The following MPZL3 variants were observed in gnomAD, a reference collection of about 807,000 sequenced individuals.
The protein encoded by MPZL3 is myelin protein zero like 3.
MPZL3 carries 23 observed loss-of-function variants against 24.8 expected under a neutral mutation model. That is an observed-to-expected ratio of 0.93 (90% CI 0.67 to 1.31). The LOEUF is 1.31. Ranked by LOEUF, MPZL3 falls within the 40% of genes most tolerant of loss-of-function variation. The probability of loss-of-function intolerance (pLI) is 0.00; values close to 1 mark genes in which losing one functional copy is unlikely to be tolerated. For synonymous variants in MPZL3, 99 were observed against 106.5 expected, an observed-to-expected ratio of 0.93 and a Z score of 0.44; for missense variants, 277 against 294.9, an observed-to-expected ratio of 0.94 and a Z score of 0.44.
chr11:118,241,120 A>G (rs1384718476), intron 1 of MPZL3, among the ~76,000 whole-genome samples: 3 of 152,198 alleles, frequency 2.0e-5, no homozygotes, highest in African/African-American at 7.2e-5. Context: ...TCCAACTCTG[A>G]CACTTCATCT....
In MPZL3 at chr11:118,229,890, T is replaced by A. The variant is rs1402608059; in HGVS notation, c.*4A>T. ...TGACTCTTCTTGTGTCATACAGACT[T>A]TCATCAATATGTCTCTTCATAGTCT... is the stretch of plus-strand genomic sequence containing the variant. On this transcript the variant is annotated 3_prime_UTR_variant, in exon 6 of 6. Coordinates refer to ENST00000278949, the MANE Select transcript of MPZL3 (RefSeq NM_198275.3). The A allele has an allele frequency of 5.0e-6, 8 of 1,613,406 alleles. No homozygotes were observed. Among genetic ancestry groups the A allele is most frequent in the Non-Finnish European group, 5.9e-6 (7 of 1,179,686 alleles).
intron 1 of MPZL3, among the ~76,000 whole-genome samples, 166 bp downstream of exon 1, chr11:118,252,056 C>T (rs758643973): frequency 2.0e-5 from 3 of 152,204 alleles, no homozygotes; most frequent in Non-Finnish European, 4.4e-5. Flanking sequence ...ACCAACTATC[C>T]TCAACGGGGT....
intron 5 of MPZL3, among the ~76,000 whole-genome samples, chr11:118,232,457 T>C (rs1379695422): frequency 6.6e-6 from 1 of 152,098 alleles, no homozygotes; most frequent in Non-Finnish European, 1.5e-5. Flanking sequence ...GAGAAAGTTT[T>C]CCAGGCAAAG....
chr11:118,233,822 C>T (rs1048635698), intron 4 of MPZL3, among the ~76,000 whole-genome samples: 39 of 152,040 alleles, frequency 2.6e-4, no homozygotes, highest in Non-Finnish European at 1.2e-4. Flanking sequence ...GACAAAACCC[C>T]GTCTCTACTG....
At chr11:118,232,978 G>A (rs1949372798) in intron 5 of MPZL3, among the ~76,000 whole-genome samples, 1 of 152,146 alleles carries the variant, frequency 6.6e-6, no homozygotes, top group African/African-American at 2.4e-5. Flanking sequence ...AAGCAGGAGG[G>A]ATGACAGCCT....
At position 118,244,803 on chromosome 11, in the gene MPZL3, G is replaced by A. The variant is rs191989650; in HGVS notation, c.74-4426C>T. Among the ~76,000 whole-genome samples the A allele has an allele frequency of 6.4e-4, 97 of 152,318 alleles. No homozygotes were observed. The Middle Eastern group carries it at 0.02, about 32-fold the overall frequency. On this transcript the variant is annotated intron_variant, in intron 1 of 5. Coordinates refer to ENST00000278949, the MANE Select transcript of MPZL3 (RefSeq NM_198275.3). ...CTTAAAAGATCACTTTAGGCTGGGC[G>A]CGGTGGCTCACGCCTGTAATCCCAG...
chr11:118,238,119 G>A (rs1281753122), intron 2 of MPZL3, among the ~76,000 whole-genome samples: 3 of 149,440 alleles, frequency 2.0e-5, no homozygotes, highest in Admixed American at 6.7e-5. Context: ...CCTCGGCAAC[G>A]GAGCTAGACT....
At chr11:118,243,662 C>T (rs1949524952) in intron 1 of MPZL3, among the ~76,000 whole-genome samples, 1 of 151,956 alleles carries the variant, frequency 6.6e-6, no homozygotes, top group Non-Finnish European at 1.5e-5. Context: ...GTCCCAGCTA[C>T]TCAGGAGGCT....
intron 4 of MPZL3, among the ~76,000 whole-genome samples, chr11:118,234,655 GTTCT>G (rs1423203953): frequency 1.3e-5 from 2 of 151,986 alleles, no homozygotes; most frequent in Non-Finnish European, 2.9e-5. Flanking sequence ...TTTACCAAGA[GTTCT>G]TTGTCTTTTT....
intron 1 of MPZL3, among the ~76,000 whole-genome samples, chr11:118,240,779 A>ACT (rs1288252225): frequency 8.3e-5 from 10 of 120,766 alleles, no homozygotes; most frequent in African/African-American, 2.7e-4. Context: ...ACACACACAC[A>ACT]CACACTCTGG....
Position 118,227,245 on chromosome 11 carries a change from TC to T in MPZL3, c.*2648del, listed in dbSNP as rs1207553846. On this transcript the variant is annotated 3_prime_UTR_variant, in exon 6 of 6. Coordinates refer to ENST00000278949, the MANE Select transcript of MPZL3 (RefSeq NM_198275.3). ...AAAACTTCAGCAGCTAAAGAAAAAT[TC>T]TGGAAGGCTTTTAACCCCTTCTGAA... 14 of 152,218 alleles carry T rather than the reference TC, an allele frequency of 9.2e-5. No homozygotes were observed. The highest frequency in any genetic ancestry group is 3.4e-4 in the African/African-American group (14 of 41,454). 9.4% of individuals were successfully genotyped at this position (152,218 alleles called of 1,614,324 possible).
chr11:118,250,551 T>C (rs1949608029), intron 1 of MPZL3, among the ~76,000 whole-genome samples: 1 of 151,764 alleles, frequency 6.6e-6, no homozygotes, highest in African/African-American at 2.4e-5. Flanking sequence ...GTGAATAATA[T>C]GATAAACCAG....
intron 2 of MPZL3, among the ~76,000 whole-genome samples, chr11:118,238,282 C>A (rs1949450833): frequency 6.6e-6 from 1 of 152,152 alleles, no homozygotes; most frequent in Non-Finnish European, 1.5e-5. Flanking sequence ...TATAATTCAG[C>A]CTCTCTCAAG....
intron 5 of MPZL3, among the ~76,000 whole-genome samples, chr11:118,232,154 A>G (rs77762203): frequency 0.041 from 6,313 of 152,186 alleles, 448 homozygotes; most frequent in African/African-American, 0.14. Context: ...TGCTACTCCA[A>G]GAATATGCCA....
In MPZL3 at chr11:118,252,235, G is replaced by A. The variant is rs367908061; in HGVS notation, c.60C>T (p.Val20=). The change falls in exon 1 of 6, where the codon GTC becomes GTT. Residue 20 remains valine (V), a synonymous_variant. Transcript: ENST00000278949. ...CGGAGCACTCACCCTGGAAGAACAG[G>A]ACGCCCAGCAGAGGGAAGAGAGCGC... is the stretch of plus-strand genomic sequence containing the variant. ...RGCALFPLLG[V]LFFQGVYIVF... 12 of 1,613,856 alleles carry A rather than the reference G, an allele frequency of 7.4e-6. No individual in the cohort carries two copies. The highest frequency in any genetic ancestry group is 5.5e-5 in the South Asian group (5 of 91,072).
At chr11:118,245,448 G>A (rs1031536382) in intron 1 of MPZL3, among the ~76,000 whole-genome samples, 1 of 152,232 alleles carries the variant, frequency 6.6e-6, no homozygotes, top group African/African-American at 2.4e-5. Flanking sequence ...AAGTATGGCT[G>A]TGGAATGTTA....
At chr11:118,232,162 C>T (rs1452016814) in intron 5 of MPZL3, among the ~76,000 whole-genome samples, 1 of 152,128 alleles carries the variant, frequency 6.6e-6, no homozygotes, top group Non-Finnish European at 1.5e-5. Flanking sequence ...CAAGAATATG[C>T]CAATCATGGC....
At chr11:118,236,269 AAAAG>A (rs1001941221) in intron 3 of MPZL3, among the ~76,000 whole-genome samples, 27 of 152,188 alleles carry the variant, frequency 1.8e-4, no homozygotes, top group Non-Finnish European at 2.5e-4. Context: ...TTTAAAAGAA[AAAAG>A]AAAGAGAGAG....
At chr11:118,233,214 C>T (rs533898278) in intron 5 of MPZL3, among the ~76,000 whole-genome samples, 56 of 152,290 alleles carry the variant, frequency 3.7e-4, no homozygotes, top group East Asian at 7.7e-4. Flanking sequence ...GCAGAAACTA[C>T]TCTACGTGGC....
Sources: allele counts gnomAD v4.1 joint callset (sites outside exome capture counted in the v4.1 genomes callset), GRCh38; gene constraint gnomAD v4.1.1; transcripts MANE v1.5; gene names NCBI Gene and HGNC (gene_info 2026-07-23, HGNC 2026-07-21).